SLIT3: variants seen among roughly 807,000 people sequenced by gnomAD.
SLIT3 encodes slit homolog 3 protein.
In SLIT3, 68 loss-of-function variants were observed where a neutral mutation model predicts 184.0. That is an observed-to-expected ratio of 0.37 (90% CI 0.30 to 0.45). The LOEUF is 0.45. Among genes scored for constraint, SLIT3 ranks in the 20% least tolerant of loss-of-function variants. SLIT3 has a pLI of 1.00. For missense variants in SLIT3, 1,707 were observed against 2,026.0 expected (o/e 0.84, Z 3.02); for synonymous variants, 831 against 828.6 (o/e 1.00, Z -0.05).
chr5:168,918,953 C>G (rs1326637608), intron 4 of SLIT3, among the ~76,000 whole-genome samples: 1 of 152,092 alleles, frequency 6.6e-6, no homozygotes, highest in African/African-American at 2.4e-5. Flanking sequence ...CCAGACATTC[C>G]ACTTCTGGAG....
intron 7 of SLIT3, among the ~76,000 whole-genome samples, chr5:168,821,349 G>T (rs1397815442): frequency 2.0e-5 from 3 of 152,202 alleles, no homozygotes; most frequent in Non-Finnish European, 2.9e-5. Flanking sequence ...CACAGGAGCT[G>T]GACGGCTGAT....
intron 4 of SLIT3, among the ~76,000 whole-genome samples, chr5:169,032,228 T>C (rs1757053165): frequency 6.6e-6 from 1 of 152,192 alleles, no homozygotes; most frequent in Non-Finnish European, 1.5e-5. Context: ...TGTCCATATA[T>C]ACAAAGTAAT....
At chr5:168,963,391 T>G (rs1412536306) in intron 4 of SLIT3, among the ~76,000 whole-genome samples, 1 of 152,206 alleles carries the variant, frequency 6.6e-6, no homozygotes, top group Non-Finnish European at 1.5e-5. Context: ...AGGCTGGTCT[T>G]GAACTCCTGA....
chr5:169,231,477 C>T (rs944282986), intron 3 of SLIT3, among the ~76,000 whole-genome samples: 7 of 152,134 alleles, frequency 4.6e-5, no homozygotes, highest in Admixed American at 2.0e-4. Flanking sequence ...CTTTTATGTC[C>T]GGTTTTTGTC....
In SLIT3 at chr5:168,881,200, G is replaced by A. The variant is rs543048995; in HGVS notation, c.485+2065C>T. 3.3e-5 allele frequency among the ~76,000 whole-genome samples: 5 copies of A among 152,334 alleles called. No homozygotes were observed. In the East Asian group the frequency reaches 9.6e-4, roughly 29 times the overall value. On this transcript the variant is annotated intron_variant, in intron 5 of 35. Coordinates refer to ENST00000519560, the MANE Select transcript of SLIT3 (RefSeq NM_003062.4). ...GAGTAATACACATTTGCATGGCTTA[G>A]AGGGTGGTCTGATGGTGGGTGCTGG...
chr5:168,910,357 C>T (rs62377186), intron 4 of SLIT3, among the ~76,000 whole-genome samples: 11,325 of 152,238 alleles, frequency 0.074, 509 homozygotes, highest in African/African-American at 0.12. Flanking sequence ...TAAACACATA[C>T]ATACAAATTT....
At chr5:168,878,091 G>A (rs1759804173) in intron 5 of SLIT3, among the ~76,000 whole-genome samples, 1 of 152,088 alleles carries the variant, frequency 6.6e-6, no homozygotes, top group African/African-American at 2.4e-5. Flanking sequence ...GTGAGTGTTG[G>A]TCTCTCTACA....
intron 4 of SLIT3, among the ~76,000 whole-genome samples, chr5:169,156,248 A>G (rs1464793319): frequency 2.0e-5 from 3 of 152,206 alleles, no homozygotes; most frequent in Non-Finnish European, 2.9e-5. Context: ...AGAAATCAAT[A>G]CAGTGGAGTA....
chr5:168,967,621 T>C lies in SLIT3; in HGVS notation c.414-84285A>G, dbSNP rs1270232902. ...CGCCCGGCTAATCTTTTTGTATTTT[T>C]AGTAGAGACGGGGTTTCACCGTTTT... On this transcript the variant is annotated intron_variant, in intron 4 of 35. Coordinates refer to ENST00000519560, the MANE Select transcript of SLIT3 (RefSeq NM_003062.4). Among the ~76,000 whole-genome samples the C allele has an allele frequency of 6.9e-5, 10 of 145,222 alleles. No individual in the cohort carries two copies. In the South Asian group the frequency reaches 1.4e-3, roughly 20 times the overall value.
intron 4 of SLIT3, among the ~76,000 whole-genome samples, chr5:169,036,710 T>G (rs940054956): frequency 6.6e-6 from 1 of 152,172 alleles, no homozygotes; most frequent in Non-Finnish European, 1.5e-5. Flanking sequence ...CAAAGTCTTA[T>G]GTAAATGAGA....
rs144419367 is a variant in SLIT3, at chr5:168,736,096, T to C, written c.2271-11612A>G. Among the ~76,000 whole-genome samples the C allele has an allele frequency of 4.5e-3, 682 of 152,340 alleles. 4 individuals carry two copies. The highest frequency in any genetic ancestry group is 0.015 in the African/African-American group (643 of 41,576). ...TGCCTGATCTGGTCGGTTTTCTTAC[T>C]GTCTTTCTCCCCTACTCTCAGTTTC... On this transcript the variant is annotated intron_variant, in intron 20 of 35. Coordinates refer to ENST00000519560, the MANE Select transcript of SLIT3 (RefSeq NM_003062.4).
At chr5:169,244,155 T>C (rs1217631236) in intron 3 of SLIT3, among the ~76,000 whole-genome samples, 1 of 152,240 alleles carries the variant, frequency 6.6e-6, no homozygotes, top group Non-Finnish European at 1.5e-5. Context: ...TGGCAATGCA[T>C]TCTCTCGTGG....
chr5:169,213,377 GCTATCCCTAT>G (rs1764333285), intron 3 of SLIT3, among the ~76,000 whole-genome samples: 1 of 152,162 alleles, frequency 6.6e-6, no homozygotes, highest in Admixed American at 6.6e-5. Context: ...TAGATTCAAT[GCTATCCCTAT>G]CAAGCTGCCA....
intron 4 of SLIT3, chr5:169,023,546 T>C (rs192582022): frequency 5.3e-5 from 8 of 152,208 alleles, no homozygotes; most frequent in Non-Finnish European, 1.2e-4. Context: ...GCTGACTTCA[T>C]AGGGTCATTC....
intron 4 of SLIT3, among the ~76,000 whole-genome samples, chr5:169,006,622 C>T (rs1002572701): frequency 6.6e-6 from 1 of 151,920 alleles, no homozygotes; most frequent in Non-Finnish European, 1.5e-5. Context: ...CACACACACA[C>T]ACACACACAA....
chr5:168,669,741 C>T (rs1317646813), intron 35 of SLIT3, 42 bp downstream of exon 35: 1 of 1,535,354 alleles, frequency 6.5e-7, no homozygotes, highest in Admixed American at 1.7e-5. Context: ...AAGTCCAACT[C>T]TGACCCCCAC....
At chr5:168,874,738 T>C (rs894162153) in intron 5 of SLIT3, among the ~76,000 whole-genome samples, 1 of 152,224 alleles carries the variant, frequency 6.6e-6, no homozygotes, top group Non-Finnish European at 1.5e-5. Context: ...TAATACTGTA[T>C]ATGTCTTTAT....
intron 16 of SLIT3, among the ~76,000 whole-genome samples, chr5:168,757,136 C>T (rs1229581666): frequency 2.0e-5 from 3 of 152,066 alleles, no homozygotes; most frequent in Admixed American, 6.5e-5. Context: ...TTGTAAGAGC[C>T]GATCACATTC....
At chr5:169,262,127 GCAGAGGGCCGAGA>G (rs1766212387) in intron 1 of SLIT3, among the ~76,000 whole-genome samples, 1 of 152,186 alleles carries the variant, frequency 6.6e-6, no homozygotes, top group African/African-American at 2.4e-5. Context: ...AAACCCTGAA[GCAGAGGGCCGAGA>G]CAAATGGAAG....
Sources: gnomAD v4.1 joint callset for allele counts (sites outside exome capture counted in the v4.1 genomes callset) on GRCh38, gnomAD v4.1.1 for gene constraint, MANE v1.5 for transcripts, NCBI Gene and HGNC (gene_info 2026-07-23, HGNC 2026-07-21) for gene names.